The following GRIP1 variants were observed in gnomAD, a reference collection of about 807,000 sequenced individuals.
The protein encoded by GRIP1 is glutamate receptor-interacting protein 1.
A neutral mutation model predicts 129.9 loss-of-function variants in GRIP1; 45 were observed. The observed-to-expected ratio is 0.35, with a 90% CI of 0.27 to 0.44. The LOEUF (loss-of-function observed/expected upper bound fraction) is 0.44. GRIP1 is among the 20% of genes least tolerant of loss of function. The pLI is 1.00. For missense variants in GRIP1, 1,196 were observed against 1,396.8 expected (o/e 0.86, Z 2.29); for synonymous variants, 530 against 520.8 (o/e 1.02, Z -0.24).
intron 1 of GRIP1, among the ~76,000 whole-genome samples, chr12:66,791,542 G>T (rs770668198): frequency 6.6e-6 from 1 of 152,158 alleles, no homozygotes; most frequent in Non-Finnish European, 1.5e-5. Context: ...ATGGAGCTAA[G>T]GTTGAGCATT....
intron 9 of GRIP1, among the ~76,000 whole-genome samples, chr12:66,457,600 T>C (rs938599233): frequency 6.6e-5 from 10 of 152,192 alleles, no homozygotes; most frequent in Non-Finnish European, 1.5e-4. Flanking sequence ...ATGATTTTGG[T>C]GTTAGGTGTC....
intron 24 of GRIP1, among the ~76,000 whole-genome samples, chr12:66,349,495 GGCTCC>G (rs1173538257): frequency 6.6e-6 from 1 of 152,114 alleles, no homozygotes; most frequent in Non-Finnish European, 1.5e-5. Flanking sequence ...CCAAGGAGGT[GGCTCC>G]ACCCACAGTG....
At chr12:66,669,175 G>A (rs557640027) in intron 1 of GRIP1, among the ~76,000 whole-genome samples, 1 of 152,218 alleles carries the variant, frequency 6.6e-6, no homozygotes, top group African/African-American at 2.4e-5. Context: ...CACTTTGGGA[G>A]GCCAAGGTGG....
upstream of GRIP1, among the ~76,000 whole-genome samples, chr12:66,680,220 G>A (rs2034531039): frequency 6.6e-6 from 1 of 152,146 alleles, no homozygotes; most frequent in Non-Finnish European, 1.5e-5. Flanking sequence ...TTCAGGCTGT[G>A]AAAAAACTTT....
At chr12:66,771,414 T>A (rs549517580) in intron 1 of GRIP1, among the ~76,000 whole-genome samples, 1 of 152,240 alleles carries the variant, frequency 6.6e-6, no homozygotes, top group South Asian at 2.1e-4. Flanking sequence ...AACACACACA[T>A]AGATACAGCA....
chr12:66,903,394 C>T (rs2040875817), intron 1 of GRIP1, among the ~76,000 whole-genome samples: 1 of 151,156 alleles, frequency 6.6e-6, no homozygotes, highest in African/African-American at 2.4e-5. Context: ...AGGAAAGAGA[C>T]TGCCTTTTAA....
intron 7 of GRIP1, among the ~76,000 whole-genome samples, chr12:66,492,780 C>T (rs1217398086): frequency 7.2e-5 from 11 of 152,036 alleles, no homozygotes; most frequent in East Asian, 5.8e-4. Flanking sequence ...GAGGCCAACG[C>T]GAGTGGATCA....
intron 1 of GRIP1, among the ~76,000 whole-genome samples, chr12:66,930,338 T>C (rs1273722304): frequency 1.4e-5 from 2 of 145,122 alleles, no homozygotes; most frequent in Non-Finnish European, 3.0e-5. Context: ...TTCCCACCTA[T>C]GAGTGAGAAC....
chr12:66,941,114 T>C (rs937717477), intron 1 of GRIP1, among the ~76,000 whole-genome samples: 6 of 152,024 alleles, frequency 3.9e-5, no homozygotes, highest in African/African-American at 7.3e-5. Flanking sequence ...TAAAAGCAAG[T>C]AGGCCTTAAC....
chr12:66,672,081 T>C (rs908349361), intron 1 of GRIP1, among the ~76,000 whole-genome samples: 14 of 152,212 alleles, frequency 9.2e-5, no homozygotes, highest in African/African-American at 3.1e-4. Flanking sequence ...ACATGTATTA[T>C]ACATATAATT....
At chr12:66,891,553 G>C (rs935963623) in intron 1 of GRIP1, among the ~76,000 whole-genome samples, 6 of 152,168 alleles carry the variant, frequency 3.9e-5, no homozygotes, top group Non-Finnish European at 5.9e-5. Context: ...TAGAAGAGGA[G>C]TATCTGCATC....
chr12:67,038,673 A>T (rs1019896388), intron 1 of GRIP1, among the ~76,000 whole-genome samples: 2 of 152,170 alleles, frequency 1.3e-5, no homozygotes, highest in Admixed American at 6.6e-5. Flanking sequence ...TCAAAACATG[A>T]TTGTGAAAGG....
intron 1 of GRIP1, among the ~76,000 whole-genome samples, chr12:66,747,374 G>A (rs1398039647): frequency 6.6e-6 from 1 of 152,148 alleles, no homozygotes; most frequent in African/African-American, 2.4e-5. Flanking sequence ...TACATGAAAA[G>A]AATATCTTTC....
intron 1 of GRIP1, among the ~76,000 whole-genome samples, chr12:66,696,609 C>T (rs917354125): frequency 3.3e-5 from 5 of 151,438 alleles, no homozygotes; most frequent in African/African-American, 9.7e-5. Flanking sequence ...ACACAGACCC[C>T]GTCTCTACTA....
Position 66,613,780 on chromosome 12 carries a change from G to A in GRIP1, c.56-16853C>T, listed in dbSNP as rs761681432. On this transcript the variant is annotated intron_variant, in intron 1 of 24. Coordinates refer to ENST00000359742, the MANE Select transcript of GRIP1 (RefSeq NM_001366722.1). ...TCTTTCCCTGAATCACTATTAGGGT[G>A]CAGTCACTTTTTATTCGACTTAGGT... Among the ~76,000 whole-genome samples, 178 of 152,256 alleles carry A rather than the reference G, an allele frequency of 1.2e-3. 1 individual carries two copies. Among genetic ancestry groups the A allele is most frequent in the Admixed American group, 1.4e-3 (21 of 15,288 alleles).
intron 14 of GRIP1, among the ~76,000 whole-genome samples, chr12:66,432,006 A>G (rs932134891): frequency 1.3e-5 from 2 of 152,238 alleles, no homozygotes; most frequent in Non-Finnish European, 2.9e-5. Context: ...ATAGATGCTT[A>G]GTGGACAGAT....
At chr12:66,744,385 C>T (rs1402379647) in intron 1 of GRIP1, among the ~76,000 whole-genome samples, 2 of 152,002 alleles carry the variant, frequency 1.3e-5, no homozygotes, top group African/African-American at 2.4e-5. Flanking sequence ...GACACTGTGC[C>T]CGGGAGATAA....
intron 1 of GRIP1, among the ~76,000 whole-genome samples, chr12:66,881,721 A>G (rs1370385829): frequency 6.6e-6 from 1 of 152,170 alleles, no homozygotes; most frequent in Non-Finnish European, 1.5e-5. Context: ...TTATCTACCC[A>G]GGACCCTTGG....
At chr12:66,900,977 C>T (rs1027871546) in intron 1 of GRIP1, among the ~76,000 whole-genome samples, 2 of 152,176 alleles carry the variant, frequency 1.3e-5, no homozygotes, top group African/African-American at 4.8e-5. Context: ...GAATGCACTG[C>T]TATTTCCCTA....
Sources: gnomAD v4.1 joint callset for allele counts (sites outside exome capture counted in the v4.1 genomes callset) on GRCh38, gnomAD v4.1.1 for gene constraint, MANE v1.5 for transcripts, NCBI Gene and HGNC (gene_info 2026-07-23, HGNC 2026-07-21) for gene names.